Variants in ENOSF1 observed in about 807,000 individuals in gnomAD.
ENOSF1 encodes the protein mitochondrial enolase superfamily member 1.
A neutral mutation model predicts 68.2 loss-of-function variants in ENOSF1; 73 were observed. The observed-to-expected ratio is 1.07, with a 90% CI of 0.89 to 1.30. ENOSF1 has a LOEUF of 1.30. Among genes scored for constraint, ENOSF1 ranks in the 50% most tolerant of loss-of-function variants. ENOSF1 has a pLI of 0.00. For synonymous variants in ENOSF1, 223 were observed against 210.4 expected (o/e 1.06, Z -0.52); for missense variants, 589 against 554.5 (o/e 1.06, Z -0.62).
chr18:701,636 T>C (rs756184342), intron 2 of ENOSF1, among the ~76,000 whole-genome samples: 19 of 151,560 alleles, frequency 1.3e-4, no homozygotes, highest in Non-Finnish European at 2.2e-4. Flanking sequence ...CAGGTGCCTG[T>C]AGTCCAGCTA....
At chr18:689,606 G>A (rs570443422) in intron 8 of ENOSF1, among the ~76,000 whole-genome samples, 5 of 152,264 alleles carry the variant, frequency 3.3e-5, no homozygotes, top group African/African-American at 9.6e-5. Flanking sequence ...AGGTGAACAG[G>A]AAAGTATTAA....
Position 670,559 on chromosome 18 carries a change from C to G in ENOSF1, c.*3746G>C. Reference sequence around the variant, plus strand: ...GCTGCAGAGGCTGTTATGGACATCACTGCAGCCCAGTGGCTCTCTCTCCTG... The same window carrying G: ...GCTGCAGAGGCTGTTATGGACATCAGTGCAGCCCAGTGGCTCTCTCTCCTG... On this transcript the variant is annotated 3_prime_UTR_variant, in exon 16 of 16. Transcript: ENST00000647584. 1 of 923,994 alleles carries G rather than the reference C, an allele frequency of 1.1e-6. No individual in the cohort carries two copies. Among genetic ancestry groups the G allele is most frequent in the East Asian group, 2.5e-5 (1 of 40,574 alleles). 57.2% of individuals were successfully genotyped at this position (923,994 alleles called of 1,614,324 possible).
At chr18:708,159 C>T (rs2145498817) in intron 1 of ENOSF1, among the ~76,000 whole-genome samples, 1 of 152,160 alleles carries the variant, frequency 6.6e-6, no homozygotes, top group Middle Eastern at 3.4e-3. Flanking sequence ...CCACGCCCGG[C>T]CACAAGTAAA....
intron 2 of ENOSF1, among the ~76,000 whole-genome samples, chr18:697,725 T>C (rs2077895192): frequency 6.6e-6 from 1 of 152,198 alleles, no homozygotes; most frequent in South Asian, 2.1e-4. Flanking sequence ...CACTCCAGCC[T>C]GGGCAACAAG....
the ENOSF1 span, among the ~76,000 whole-genome samples, chr18:663,064 A>G: frequency 1.4e-4 from 16 of 112,482 alleles, no homozygotes; most frequent in Middle Eastern, 8.6e-3. Flanking sequence ...TGGTATTTCT[A>G]GTTCTAGATC....
chr18:668,765 G>A (rs2074913044), downstream of ENOSF1, among the ~76,000 whole-genome samples: 1 of 152,232 alleles, frequency 6.6e-6, no homozygotes, highest in Admixed American at 6.5e-5. Flanking sequence ...AGATTGTTGA[G>A]ATTGGAAAGG....
At chr18:692,899 T>C (rs1469410598) in intron 5 of ENOSF1, 1 of 1,126,780 alleles carries the variant, frequency 8.9e-7, no homozygotes, top group East Asian at 6.7e-5. Context: ...AGCAGTCTCC[T>C]GCCCAACACT....
chr18:691,142 G>C (rs539484904), intron 6 of ENOSF1, 36 bp from the exon 7 acceptor site: 1 of 1,613,910 alleles, frequency 6.2e-7, no homozygotes, highest in Non-Finnish European at 8.5e-7. Flanking sequence ...ACTCTTTTAG[G>C]AAACAAAGCA....
At chr18:681,673 T>G (rs1011166648) in intron 11 of ENOSF1, among the ~76,000 whole-genome samples, 1 of 152,154 alleles carries the variant, frequency 6.6e-6, no homozygotes, top group African/African-American at 2.4e-5. Flanking sequence ...AGGCTTAGCT[T>G]TCCTTATGGA....
At chr18:667,571 A>ATGGT (rs1368458016), downstream of ENOSF1, 5 of 27,970 alleles carry the variant, frequency 1.8e-4, no homozygotes, top group Non-Finnish European at 3.1e-4. Context: ...ATGGTGATGG[A>ATGGT]GATGGTGATG....
chr18:690,984 A>G, intron 7 of ENOSF1, 84 bp downstream of exon 7: 1 of 1,468,474 alleles, frequency 6.8e-7, no homozygotes, highest in African/African-American at 1.4e-5. Context: ...ATTTGGGAAG[A>G]CAATGTGTAC....
At chr18:708,191 C>G (rs188876402) in intron 1 of ENOSF1, among the ~76,000 whole-genome samples, 1 of 151,200 alleles carries the variant, frequency 6.6e-6, no homozygotes, top group Non-Finnish European at 1.5e-5. Flanking sequence ...GATTTTAAAT[C>G]CCTGTATTGG....
intron 14 of ENOSF1, among the ~76,000 whole-genome samples, chr18:677,036 G>A (rs750506820): frequency 1.3e-5 from 2 of 152,272 alleles, no homozygotes; most frequent in Non-Finnish European, 2.9e-5. Flanking sequence ...GGGAAGAGGA[G>A]ATGGGACAGA....
At chr18:669,102 A>G (rs773099801), downstream of ENOSF1, 1 of 1,614,230 alleles carries the variant, frequency 6.2e-7, no homozygotes, top group Non-Finnish European at 8.5e-7. Context: ...GACCAACTGC[A>G]AAGAGTGATT....
At position 671,324 on chromosome 18, in the gene ENOSF1, A is replaced by T. The variant is rs746001050; in HGVS notation, c.*2981T>A. The T allele has an allele frequency of 2.7e-5, 30 of 1,117,526 alleles. No individual in the cohort carries two copies. The highest frequency in any genetic ancestry group is 4.1e-5 in the Non-Finnish European group (30 of 728,474). The allele number at this position is 1,117,526 out of a possible 1,614,324, so 69.2% of individuals were successfully genotyped here. The stretch of plus-strand genomic sequence containing the variant: ...CTGCATATTCTAATGTTTTTAAATG[A>T]TGTTTTAAAGAATTGAAACTAACAT... On this transcript the variant is annotated 3_prime_UTR_variant, in exon 16 of 16. Transcript: ENST00000647584.
chr18:667,149 TGATGGTGATGGA>T (rs2074854542), downstream of ENOSF1, among the ~76,000 whole-genome samples: 4 of 68,104 alleles, frequency 5.9e-5, 1 homozygote, highest in Non-Finnish European at 1.1e-4. Context: ...ATGGTGATGG[TGATGGTGATGGA>T]GATGGTGATG....
At chr18:689,082 C>G (rs558468439) in intron 8 of ENOSF1, among the ~76,000 whole-genome samples, 1 of 152,232 alleles carries the variant, frequency 6.6e-6, no homozygotes, top group Non-Finnish European at 1.5e-5. Flanking sequence ...TCTGAATCCT[C>G]AAAACCACCC....
intron 10 of ENOSF1, 65 bp downstream of exon 10, chr18:685,856 G>C: frequency 8.1e-7 from 1 of 1,238,640 alleles, no homozygotes. Flanking sequence ...CTTTAATCTT[G>C]AAACGAGTTG....
chr18:670,048 T>TA (rs2074964444), downstream of ENOSF1, among the ~76,000 whole-genome samples: 1 of 58,224 alleles, frequency 1.7e-5, no homozygotes, highest in African/African-American at 1.2e-4. Context: ...GAGACTTATT[T>TA]TTTTTTTTTT....
Sources: gnomAD v4.1 joint callset for allele counts (sites outside exome capture counted in the v4.1 genomes callset) on GRCh38, gnomAD v4.1.1 for gene constraint, MANE v1.5 for transcripts, NCBI Gene and HGNC (gene_info 2026-07-23, HGNC 2026-07-21) for gene names.